CSTF3: variants seen among roughly 807,000 people sequenced by gnomAD.
CSTF3 encodes the protein cleavage stimulation factor subunit 3.
In CSTF3, 29 loss-of-function variants were observed where a neutral mutation model predicts 105.8. That is an observed-to-expected ratio of 0.27 (90% confidence interval 0.20 to 0.37). The LOEUF (loss-of-function observed/expected upper bound fraction) is 0.37. Ranked by LOEUF, CSTF3 falls within the 10% of genes least tolerant of loss-of-function variation. The pLI is 1.00. For synonymous variants in CSTF3, 252 were observed against 281.9 expected (o/e 0.89, Z 1.06); for missense variants, 357 against 879.3 (o/e 0.41, Z 7.51).
chr11:33,086,915 T>C, intron 18 of CSTF3, 73 bp downstream of exon 18: 1 of 1,557,866 alleles, frequency 6.4e-7, no homozygotes, highest in Non-Finnish European at 8.8e-7. Flanking sequence ...CCATGTCACT[T>C]TACCCCCACG....
chr11:33,145,914 T>G (rs1855776157), intron 1 of CSTF3, among the ~76,000 whole-genome samples: 1 of 151,878 alleles, frequency 6.6e-6, no homozygotes, highest in African/African-American at 2.4e-5. Context: ...AAAAAGATAT[T>G]CTCATATTGT....
chr11:33,123,141 C>A (rs1855509552), intron 3 of CSTF3, among the ~76,000 whole-genome samples: 1 of 149,154 alleles, frequency 6.7e-6, no homozygotes. Context: ...ATTGTGCTAA[C>A]ATTAAAAGTT....
chr11:33,099,046 T>A lies in CSTF3; in HGVS notation c.1041A>T (p.Ala347=), dbSNP rs771888945. The A allele has an allele frequency of 6.4e-7, 1 of 1,569,638 alleles. No individual in the cohort carries two copies. Among genetic ancestry groups the A allele is most frequent in the Non-Finnish European group, 8.5e-7 (1 of 1,169,886 alleles). The part of the protein sequence containing the change: ...KKNMLLYFAY[A]DYEESRMKYE... ...CATTTTTACTTACCTCTTCATAATCTGCATATGCAAAATAAAGAAGCATAT... is the reference window on the plus strand; with the variant it reads ...CATTTTTACTTACCTCTTCATAATCAGCATATGCAAAATAAAGAAGCATAT... Residue 347 remains alanine, a synonymous_variant, in exon 12 of 21, where the codon GCA becomes GCT. Transcript: ENST00000323959. This position sits in a 1 kb window ranked among gnomAD's most constrained non-coding sequence, Gnocchi z 4.1.
intron 1 of CSTF3, among the ~76,000 whole-genome samples, chr11:33,154,198 A>C (rs1350115636): frequency 6.6e-6 from 1 of 152,204 alleles, no homozygotes; most frequent in Non-Finnish European, 1.5e-5. Flanking sequence ...GTTAGGTTTG[A>C]AATCAGAGTC....
At chr11:33,114,543 T>A (rs955069809) in intron 3 of CSTF3, among the ~76,000 whole-genome samples, 1 of 152,078 alleles carries the variant, frequency 6.6e-6, no homozygotes, top group Non-Finnish European at 1.5e-5. Context: ...TACAATTAAC[T>A]TGAAATGGTT....
At chr11:33,113,449 A>T (rs1430945033) in intron 3 of CSTF3, among the ~76,000 whole-genome samples, 1 of 151,440 alleles carries the variant, frequency 6.6e-6, no homozygotes, top group Admixed American at 6.6e-5. Flanking sequence ...CCAGAAGTTT[A>T]AGGCTGCAGT....
At chr11:33,106,198 C>A in intron 5 of CSTF3, 134 bp from the exon 6 acceptor site, 2 of 637,536 alleles carry the variant, frequency 3.1e-6, no homozygotes. Context: ...TCACTTGAGA[C>A]CAGGAATTCA....
At chr11:33,143,333 G>GA (rs1040573586) in intron 1 of CSTF3, among the ~76,000 whole-genome samples, 13 of 151,672 alleles carry the variant, frequency 8.6e-5, no homozygotes, top group Non-Finnish European at 1.9e-4. Context: ...TTTAATTTTT[G>GA]AAAAAAATGC....
chr11:33,098,370 G>A (rs1444056929), intron 13 of CSTF3, among the ~76,000 whole-genome samples: 2 of 152,198 alleles, frequency 1.3e-5, no homozygotes, highest in Non-Finnish European at 2.9e-5. Context: ...CAAAGAAAGT[G>A]TTAGAGAAAG....
In CSTF3 at chr11:33,135,013, T is replaced by G. The variant is rs562855086; in HGVS notation, c.225+6654A>C. Among the ~76,000 whole-genome samples, 6 of 152,322 alleles carry G rather than the reference T, an allele frequency of 3.9e-5. 1 individual carries two copies. The South Asian group carries it at 1.2e-3, about 32-fold the overall frequency. On this transcript the variant is annotated intron_variant, in intron 3 of 20. Coordinates refer to ENST00000323959, the MANE Select transcript of CSTF3 (RefSeq NM_001326.3). Reference sequence around the variant, plus strand: ...AACTCTACACAGGGTACAAGTTAGCTGCAGTTAATTCTTTTAAGCCACATT... The same window carrying G: ...AACTCTACACAGGGTACAAGTTAGCGGCAGTTAATTCTTTTAAGCCACATT...
intron 14 of CSTF3, 33 bp from the exon 15 acceptor site, chr11:33,096,441 A>G (rs75467356): frequency 0.02 from 26,950 of 1,334,056 alleles, 324 homozygotes; most frequent in Non-Finnish European, 0.024. Context: ...ACAGATTTCC[A>G]TGAAATGTCA....
At chr11:33,132,625 A>C (rs2133793447) in intron 3 of CSTF3, among the ~76,000 whole-genome samples, 1 of 152,366 alleles carries the variant, frequency 6.6e-6, no homozygotes, top group South Asian at 2.1e-4. Context: ...ATTCAAATTT[A>C]AAAAGGAACC....
intron 1 of CSTF3, among the ~76,000 whole-genome samples, chr11:33,142,206 A>C (rs1336133208): frequency 6.6e-6 from 1 of 152,142 alleles, no homozygotes; most frequent in African/African-American, 2.4e-5. Flanking sequence ...GTGGATTGAA[A>C]ATACTCAGAG....
At chr11:33,086,741 G>A (rs1293853398) in intron 18 of CSTF3, among the ~76,000 whole-genome samples, 1 of 152,192 alleles carries the variant, frequency 6.6e-6, no homozygotes, top group African/African-American at 2.4e-5. Context: ...CCTGGCCATA[G>A]CAGCATTTCT....
chr11:33,157,362 C>CA (rs924702078), intron 1 of CSTF3, among the ~76,000 whole-genome samples: 119 of 151,948 alleles, frequency 7.8e-4, no homozygotes, highest in Admixed American at 3.3e-3. Context: ...CTCAAAAAAA[C>CA]AAAAAACAAA....
At chr11:33,095,974 T>G (rs1855219384) in intron 15 of CSTF3, among the ~76,000 whole-genome samples, 1 of 152,104 alleles carries the variant, frequency 6.6e-6, no homozygotes, top group African/African-American at 2.4e-5. Context: ...TTTTGTTTGT[T>G]TGTTTTCCTT....
rs770787971 is a variant in CSTF3 at position 33,142,002 on chromosome 11, A to G, written c.28-16T>C. ...ACTCAGCTGCCTGGGGAAAAAAAAC[A>G]ACAGTGAACTAAAGTTACTGTTTTA... On this transcript the variant is annotated splice_polypyrimidine_tract_variant and intron_variant, in intron 1 of 20. Transcript: ENST00000323959. 2 of 1,613,572 alleles carry G rather than the reference A, an allele frequency of 1.2e-6. No individual in the cohort carries two copies. The highest frequency in any genetic ancestry group is 2.7e-5 in the African/African-American group (2 of 75,030).
chr11:33,131,749 G>A (rs1855602142), intron 3 of CSTF3, among the ~76,000 whole-genome samples: 1 of 152,108 alleles, frequency 6.6e-6, no homozygotes, highest in South Asian at 2.1e-4. Flanking sequence ...CTACTCGGGA[G>A]GCTGAGGCAG....
chr11:33,148,534 T>TAAAAAAAAAAAAAAAAAA (rs1405875025), intron 1 of CSTF3, among the ~76,000 whole-genome samples: 1 of 146,806 alleles, frequency 6.8e-6, no homozygotes, highest in Non-Finnish European at 1.5e-5. Flanking sequence ...CCGTCTCTAC[T>TAAAAAAAAAAAAAAAAAA]AAAAATACAA....
Sources: allele counts gnomAD v4.1 joint callset (sites outside exome capture counted in the v4.1 genomes callset), GRCh38; gene constraint gnomAD v4.1.1; non-coding constraint Gnocchi (gnomAD v3.1); transcripts MANE v1.5; gene names NCBI Gene and HGNC (gene_info 2026-07-23, HGNC 2026-07-21).